Variants in HTR7 observed in about 807,000 individuals in gnomAD.
HTR7 encodes the protein 5-HT-7.
Under a neutral mutation model 34.0 loss-of-function variants are expected in HTR7, and 16 were observed. The observed-to-expected ratio is 0.47, with a 90% confidence interval of 0.32 to 0.71. The LOEUF (loss-of-function observed/expected upper bound fraction) is 0.71, where lower values mean the gene tolerates loss of function less well. HTR7 is among the 30% of genes least tolerant of loss of function. The pLI is 0.04. For synonymous variants in HTR7, 265 were observed against 260.2 expected (o/e 1.02, Z -0.18); for missense variants, 504 against 625.5 (o/e 0.81, Z 2.07).
chr10:90,839,348 T>C (rs942457851), intron 1 of HTR7, among the ~76,000 whole-genome samples: 2 of 152,228 alleles, frequency 1.3e-5, no homozygotes, highest in Non-Finnish European at 2.9e-5. Context: ...AGATTGATTA[T>C]GGATGGATTG....
At chr10:90,770,344 G>A (rs1049756089) in intron 1 of HTR7, among the ~76,000 whole-genome samples, 1 of 152,208 alleles carries the variant, frequency 6.6e-6, no homozygotes, top group South Asian at 2.1e-4. Context: ...GGAGGGGCAG[G>A]CAGAGAGGAG....
intron 1 of HTR7, among the ~76,000 whole-genome samples, chr10:90,816,590 T>C (rs1345597591): frequency 2.0e-5 from 3 of 152,240 alleles, no homozygotes; most frequent in South Asian, 2.1e-4. Flanking sequence ...TTCTGACATA[T>C]AAATTCTCTT....
chr10:90,788,338 A>T (rs1845413387), intron 1 of HTR7, among the ~76,000 whole-genome samples: 1 of 152,228 alleles, frequency 6.6e-6, no homozygotes, highest in African/African-American at 2.4e-5. Context: ...AGGAATTACC[A>T]AAGAACACTT....
At chr10:90,765,412 TTTAA>T (rs1292846630) in intron 1 of HTR7, among the ~76,000 whole-genome samples, 1 of 152,148 alleles carries the variant, frequency 6.6e-6, no homozygotes, top group African/African-American at 2.4e-5. Flanking sequence ...TTCTGATTTA[TTTAA>T]TTATTCCCTC....
At chr10:90,853,534 G>A (rs967047260) in intron 1 of HTR7, among the ~76,000 whole-genome samples, 3 of 150,920 alleles carry the variant, frequency 2.0e-5, no homozygotes, top group African/African-American at 7.3e-5. Flanking sequence ...TGAACTCCAG[G>A]GCTCCAGCAA....
At chr10:90,822,157 C>G (rs1845993440) in intron 1 of HTR7, among the ~76,000 whole-genome samples, 1 of 152,138 alleles carries the variant, frequency 6.6e-6, no homozygotes, top group Admixed American at 6.5e-5. Flanking sequence ...TTGAAGGGAT[C>G]AGAAGAAGAC....
At chr10:90,758,163 G>C (rs181098819) in intron 1 of HTR7, among the ~76,000 whole-genome samples, 61 of 151,868 alleles carry the variant, frequency 4.0e-4, no homozygotes, top group South Asian at 2.9e-3. Context: ...CTGCCAATAC[G>C]GTGAAACCCT....
At chr10:90,770,012 T>C (rs1031229616) in intron 1 of HTR7, among the ~76,000 whole-genome samples, 1 of 152,214 alleles carries the variant, frequency 6.6e-6, no homozygotes, top group South Asian at 2.1e-4. Context: ...GCTGGACCCC[T>C]GTGCCCCGCA....
intron 1 of HTR7, among the ~76,000 whole-genome samples, chr10:90,820,065 T>G (rs1845954919): frequency 6.6e-6 from 1 of 152,106 alleles, no homozygotes; most frequent in African/African-American, 2.4e-5. Flanking sequence ...AAGAAAGAAA[T>G]TCTTGCACAA....
chr10:90,809,315 C>T (rs2119958511), intron 1 of HTR7, among the ~76,000 whole-genome samples: 1 of 152,198 alleles, frequency 6.6e-6, no homozygotes, highest in East Asian at 1.9e-4. Context: ...TTTCTTTATC[C>T]CAAATCAGAT....
At chr10:90,829,976 A>G (rs1357023976) in intron 1 of HTR7, among the ~76,000 whole-genome samples, 1 of 152,250 alleles carries the variant, frequency 6.6e-6, no homozygotes, top group Non-Finnish European at 1.5e-5. Flanking sequence ...ATGGATTGGA[A>G]GAATCAATAT....
chr10:90,760,883 AAAAAT>A (rs933479953), intron 1 of HTR7, among the ~76,000 whole-genome samples: 1 of 152,198 alleles, frequency 6.6e-6, no homozygotes, highest in African/African-American at 2.4e-5. Flanking sequence ...TCTGTCTCAA[AAAAAT>A]AAAATAAAAT....
In HTR7 at chr10:90,749,096, G is replaced by A. The variant is rs762080020; in HGVS notation, c.1038C>T (p.Leu346=). 3.8e-5 allele frequency: 61 copies of A among 1,614,188 alleles called. No individual in the cohort carries two copies. In the Middle Eastern group the frequency reaches 1.3e-3, roughly 35 times the overall value. The change falls in exon 2 of 4, where the codon CTC becomes CTT. Residue 346 remains leucine (L), a synonymous_variant. Transcript: ENST00000336152. The surrounding 1 kb of genome is among the most constrained non-coding windows in gnomAD (Gnocchi z 4.2). The part of the protein sequence containing the change: ...FTVCWLPFFL[L]STARPFICGT... ...CACAGATGAAGGGTCTGGCTGTCGA[G>A]AGGAGGAAAAATGGCAGCCAGCACA...
chr10:90,765,326 C>T (rs1297561595), intron 1 of HTR7, among the ~76,000 whole-genome samples: 1 of 152,042 alleles, frequency 6.6e-6, no homozygotes, highest in Non-Finnish European at 1.5e-5. Context: ...CTATTAGTTA[C>T]TTTATAATTA....
At chr10:90,839,192 C>G (rs1441280865) in intron 1 of HTR7, among the ~76,000 whole-genome samples, 7 of 152,122 alleles carry the variant, frequency 4.6e-5, no homozygotes. Context: ...AGAAAACTAT[C>G]AAATGAAAAA....
At position 90,857,840 on chromosome 10, in the gene HTR7, A is replaced by G. The variant is rs1846620104; in HGVS notation, c.-169T>C. 2 of 586,298 alleles carry G rather than the reference A, an allele frequency of 3.4e-6. No homozygotes were observed. Among genetic ancestry groups the G allele is most frequent in the African/African-American group, 2.0e-5 (1 of 50,874 alleles). The allele number at this position is 586,298 out of a possible 1,614,324, so 36.3% of individuals were successfully genotyped here. On this transcript the variant is annotated 5_prime_UTR_variant, in exon 1 of 4. Coordinates refer to ENST00000336152, the MANE Select transcript of HTR7 (RefSeq NM_019859.4). This position sits in a 1 kb window ranked among gnomAD's most constrained non-coding sequence, Gnocchi z 6.5. ...TGTCTCGGAGCCCCGCACTCCCCGGACCCCCGGCCGCTGCGGGTAACGCGG... is the reference window on the plus strand; with the variant it reads ...TGTCTCGGAGCCCCGCACTCCCCGGGCCCCCGGCCGCTGCGGGTAACGCGG...
At chr10:90,801,754 G>C (rs138732011) in intron 1 of HTR7, among the ~76,000 whole-genome samples, 1 of 152,274 alleles carries the variant, frequency 6.6e-6, no homozygotes, top group East Asian at 1.9e-4. Flanking sequence ...CCAGCAAATA[G>C]GTAAGAAATT....
chr10:90,853,479 T>C (rs1220649037), intron 1 of HTR7, among the ~76,000 whole-genome samples: 1 of 150,826 alleles, frequency 6.6e-6, no homozygotes, highest in Non-Finnish European at 1.5e-5. Flanking sequence ...TCTTTTTTTT[T>C]TTTCCGTAGA....
At chr10:90,769,812 A>G (rs2119749113) in intron 1 of HTR7, among the ~76,000 whole-genome samples, 1 of 152,386 alleles carries the variant, frequency 6.6e-6, no homozygotes, top group South Asian at 2.1e-4. Context: ...AACAAACATT[A>G]TTGACAAAAA....
Sources: allele counts gnomAD v4.1 joint callset (sites outside exome capture counted in the v4.1 genomes callset), GRCh38; gene constraint gnomAD v4.1.1; non-coding constraint Gnocchi (gnomAD v3.1); transcripts MANE v1.5; gene names NCBI Gene and HGNC (gene_info 2026-07-23, HGNC 2026-07-21).